Variants in VWF observed in about 807,000 individuals in gnomAD.
The protein encoded by VWF is Factor VIII related antigen.
A neutral mutation model predicts 308.6 loss-of-function variants in VWF; 176 were observed. That is an observed-to-expected ratio of 0.57 (90% CI 0.50 to 0.65). VWF has a LOEUF of 0.65. VWF is among the 30% of genes least tolerant of loss of function. VWF has a pLI of 0.00. For synonymous variants in VWF, 1,385 were observed against 1,443.4 expected, an observed-to-expected ratio of 0.96 and a Z score of 0.92; for missense variants, 3,146 against 3,648.2, an observed-to-expected ratio of 0.86 and a Z score of 3.55.
At chr12:6,121,458 G>A in intron 2 of VWF, 120 bp from the exon 3 acceptor site, 1 of 1,275,778 alleles carries the variant, frequency 7.8e-7, no homozygotes, top group South Asian at 1.3e-5. Flanking sequence ...GCTGTGGGGA[G>A]GTATTTTCCA....
At position 6,018,355 on chromosome 12, in the gene VWF, G is replaced by A; in HGVS notation, c.5053+10C>T. 1.2e-6 allele frequency: 2 copies of A among 1,607,066 alleles called. No homozygotes were observed. The highest frequency in any genetic ancestry group is 1.7e-6 in the Non-Finnish European group (2 of 1,178,292). ...CAGCCCTCCCACCTGCACACAAGGT[G>A]CCAGCATACCAGGTGCAGGGGAGAG... On this transcript the variant is annotated intron_variant, in intron 28 of 51. Coordinates refer to ENST00000261405, the MANE Select transcript of VWF (RefSeq NM_000552.5).
intron 6 of VWF, among the ~76,000 whole-genome samples, chr12:6,094,023 G>A (rs1490202599): frequency 6.6e-6 from 1 of 152,152 alleles, no homozygotes; most frequent in African/African-American, 2.4e-5. Flanking sequence ...CACAGGAGAG[G>A]AGAAGGCCAT....
At chr12:6,107,870 G>C (rs942776478) in intron 5 of VWF, among the ~76,000 whole-genome samples, 7 of 152,028 alleles carry the variant, frequency 4.6e-5, no homozygotes, top group Non-Finnish European at 4.4e-5. Context: ...GTGGTAGCCA[G>C]GATAGTCTCC....
chr12:6,034,511 T>C (rs995105374), intron 20 of VWF, among the ~76,000 whole-genome samples, 177 bp downstream of exon 20: 1 of 152,208 alleles, frequency 6.6e-6, no homozygotes, highest in African/African-American at 2.4e-5. Flanking sequence ...ACAACCACTT[T>C]GAGCTTCAAA....
At chr12:6,033,816 C>A (rs1944300521) in intron 20 of VWF, among the ~76,000 whole-genome samples, 1 of 152,352 alleles carries the variant, frequency 6.6e-6, no homozygotes, top group African/African-American at 2.4e-5. Context: ...GCCTCTGGGG[C>A]TGGGGCTCCT....
chr12:6,044,954 C>T (rs1676384234), intron 17 of VWF, among the ~76,000 whole-genome samples: 1 of 152,154 alleles, frequency 6.6e-6, no homozygotes, highest in Non-Finnish European at 1.5e-5. Flanking sequence ...TTGCAACACC[C>T]GCAACACTCC....
intron 40 of VWF, among the ~76,000 whole-genome samples, chr12:5,984,192 A>G (rs1943650801): frequency 6.6e-6 from 1 of 152,202 alleles, no homozygotes; most frequent in South Asian, 2.1e-4. Flanking sequence ...TCACAAAATA[A>G]TAAGGGCAAA....
At chr12:6,085,294 G>A (rs1412836167) in intron 6 of VWF, among the ~76,000 whole-genome samples, 8 of 152,234 alleles carry the variant, frequency 5.3e-5, no homozygotes, top group African/African-American at 1.2e-4. Context: ...CTCTGTGACA[G>A]GAGCTAATTC....
At chr12:6,094,018 GAGAGGAGA>G (rs1945078401) in intron 6 of VWF, among the ~76,000 whole-genome samples, 1 of 152,184 alleles carries the variant, frequency 6.6e-6, no homozygotes, top group South Asian at 2.1e-4. Flanking sequence ...GCACACACAG[GAGAGGAGA>G]AGGCCATGTG....
rs1464951469 is a variant in VWF at position 5,999,499 on chromosome 12, CA to C, written c.5843-3278del. ...ACACACACACACACACACACACACA[CA>C]CACCACTAAGGAAATGACTTTTCTA... On this transcript the variant is annotated intron_variant, in intron 34 of 51. Coordinates refer to ENST00000261405, the MANE Select transcript of VWF (RefSeq NM_000552.5). Among the ~76,000 whole-genome samples the C allele has an allele frequency of 1.8e-3, 273 of 149,288 alleles. 1 individual carries two copies. Among genetic ancestry groups the C allele is most frequent in the African/African-American group, 5.9e-3 (240 of 40,826 alleles).
chr12:6,003,299 G>C (rs1275844308), intron 34 of VWF, among the ~76,000 whole-genome samples: 5 of 152,150 alleles, frequency 3.3e-5, no homozygotes, highest in Non-Finnish European at 7.4e-5. Flanking sequence ...AGTGTATAAA[G>C]ATGTAATGTT....
chr12:6,083,719 C>A (rs1012469442), intron 6 of VWF, among the ~76,000 whole-genome samples: 9 of 152,188 alleles, frequency 5.9e-5, no homozygotes, highest in Non-Finnish European at 1.2e-4. Flanking sequence ...TTCCCACCCC[C>A]ACGGGGCACA....
In VWF at chr12:5,949,133, G is replaced by A. The variant is rs376285757; in HGVS notation, c.8324C>T (p.Ser2775Phe). The A allele has an allele frequency of 3.0e-5, 49 of 1,614,134 alleles. No homozygotes were observed. The highest frequency in any genetic ancestry group is 4.2e-5 in the Non-Finnish European group (49 of 1,180,052). The stretch of plus-strand genomic sequence containing the variant: ...CTGCATGGGCTCCGTCCGTGTCGGA[G>A]AGCAGCAGGAGCACTGGTCCTGCAC... Reference protein sequence around the residue: ...NDVQDQCSCCSPTRTEPMQVA... With the variant: ...NDVQDQCSCCFPTRTEPMQVA... Residue 2775 changes from serine to phenylalanine, a missense_variant, in exon 52 of 52, where the codon TCT (serine) becomes TTT (phenylalanine). Around this residue, in one of 3 missense-constraint regions of VWF, gnomAD observed 989 missense variants for 1,117.4 expected, o/e 0.89. Coordinates refer to ENST00000261405, the MANE Select transcript of VWF (RefSeq NM_000552.5).
At chr12:6,090,657 A>G (rs1379730529) in intron 6 of VWF, among the ~76,000 whole-genome samples, 1 of 151,898 alleles carries the variant, frequency 6.6e-6, no homozygotes, top group African/African-American at 2.4e-5. Context: ...CCTCATCATC[A>G]TCATGGCTCT....
In VWF at chr12:6,122,144, A is replaced by G. The variant is rs185627170; in HGVS notation, c.56-806T>C. The stretch of plus-strand genomic sequence containing the variant: ...TTTATTTCTCAATAGATTGTAAACA[A>G]TTTGTCGTGCTAGTGTATATACTTC... On this transcript the variant is annotated intron_variant, in intron 2 of 51. Coordinates refer to ENST00000261405, the MANE Select transcript of VWF (RefSeq NM_000552.5). Among the ~76,000 whole-genome samples, 470 of 152,266 alleles carry G rather than the reference A, an allele frequency of 3.1e-3. 2 individuals are homozygous for G. Among genetic ancestry groups the G allele is most frequent in the Middle Eastern group, 6.8e-3 (2 of 294 alleles).
chr12:6,011,407 G>A (rs1943991556), intron 34 of VWF, among the ~76,000 whole-genome samples: 1 of 152,184 alleles, frequency 6.6e-6, no homozygotes, highest in African/African-American at 2.4e-5. Context: ...TCCAAAGACA[G>A]AGAAAGAGGG....
intron 7 of VWF, among the ~76,000 whole-genome samples, chr12:6,074,015 T>C (rs3782711): frequency 0.3 from 46,147 of 151,980 alleles, 11,896 homozygotes; most frequent in African/African-American, 0.71. Context: ...TCTCCATGTA[T>C]AACTTGGCAT....
At chr12:5,963,228 T>C (rs1943339139) in intron 47 of VWF, among the ~76,000 whole-genome samples, 1 of 152,078 alleles carries the variant, frequency 6.6e-6, no homozygotes, top group Non-Finnish European at 1.5e-5. Context: ...AGATACCTTA[T>C]AAAGGACTAG....
chr12:5,970,391 G>T (rs1277274750), intron 44 of VWF, among the ~76,000 whole-genome samples: 1 of 152,192 alleles, frequency 6.6e-6, no homozygotes, highest in Non-Finnish European at 1.5e-5. Context: ...ATGAGGGGCA[G>T]GGTGGGGTAG....
Sources: gnomAD v4.1 joint callset for allele counts (sites outside exome capture counted in the v4.1 genomes callset) on GRCh38, gnomAD v4.1.1 for gene constraint, gnomAD v4.1.1 regional missense constraint, MANE v1.5 for transcripts, NCBI Gene and HGNC (gene_info 2026-07-23, HGNC 2026-07-21) for gene names.